Variants in CERS4 observed in about 807,000 individuals in gnomAD.
CERS4 encodes the protein LAG1 homolog, ceramide synthase 4.
A neutral mutation model predicts 51.8 loss-of-function variants in CERS4; 65 were observed. The ratio of observed to expected loss-of-function variants is 1.26; its 90% CI spans 1.03 to 1.54. The LOEUF (loss-of-function observed/expected upper bound fraction) is 1.54, where lower values mean the gene tolerates loss of function less well. Ranked by LOEUF, CERS4 falls within the 40% of genes most tolerant of loss-of-function variation. The pLI is 0.00. For synonymous variants in CERS4, 228 were observed against 208.4 expected, an observed-to-expected ratio of 1.09 and a Z score of -0.81; for missense variants, 563 against 500.4, an observed-to-expected ratio of 1.13 and a Z score of -1.19.
chr19:8,216,779 T>C (rs1967317943), intron 2 of CERS4, among the ~76,000 whole-genome samples: 1 of 152,128 alleles, frequency 6.6e-6, no homozygotes, highest in Non-Finnish European at 1.5e-5. Flanking sequence ...TCAGCCATCC[T>C]GGGTCCTTAT....
At chr19:8,233,315 A>C (rs1968097555) in intron 2 of CERS4, among the ~76,000 whole-genome samples, 1 of 151,454 alleles carries the variant, frequency 6.6e-6, no homozygotes, top group African/African-American at 2.4e-5. Context: ...ACAGGCACGT[A>C]CCACCACACC....
chr19:8,212,730 C>G (rs984046749), intron 2 of CERS4, among the ~76,000 whole-genome samples: 6 of 151,858 alleles, frequency 4.0e-5, no homozygotes, highest in African/African-American at 1.5e-4. Flanking sequence ...CCTCCACCTC[C>G]CGGGTTCAAG....
Position 8,255,608 on chromosome 19 carries a change from C to T in CERS4, c.293C>T (p.Pro98Leu). The T allele has an allele frequency of 6.2e-7, 1 of 1,610,696 alleles. No homozygotes were observed. Among genetic ancestry groups the T allele is most frequent in the East Asian group, 2.2e-5 (1 of 44,866 alleles). ...FLTEGHRPKE[P>L]QLSLLAAQCG... ...TTGTCCTCATCACCCCCTCCCCAGCCCCAGCTGTCTCTCCTGGCCGCCCAG... is the reference window on the plus strand; with the variant it reads ...TTGTCCTCATCACCCCCTCCCCAGCTCCAGCTGTCTCTCCTGGCCGCCCAG... The change falls in exon 5 of 12, where the codon CCC becomes CTC. Residue 98 changes from proline (P) to leucine (L), a missense_variant and splice_region_variant. Transcript: ENST00000251363.
chr19:8,246,948 T>C (rs917655930), intron 2 of CERS4, among the ~76,000 whole-genome samples: 7 of 152,020 alleles, frequency 4.6e-5, no homozygotes, highest in Non-Finnish European at 1.0e-4. Flanking sequence ...GGCAGATCAC[T>C]TGAGGTCAGG....
intron 2 of CERS4, among the ~76,000 whole-genome samples, chr19:8,245,492 T>G (rs1319978588): frequency 2.0e-5 from 3 of 151,278 alleles, no homozygotes; most frequent in Non-Finnish European, 4.4e-5. Context: ...CAAGCAATCC[T>G]CCTGCCTCAG....
At chr19:8,258,069 C>T (rs1367732710) in intron 10 of CERS4, 84 bp downstream of exon 10, 1 of 1,083,644 alleles carries the variant, frequency 9.2e-7, no homozygotes, top group Non-Finnish European at 1.4e-6. Context: ...GTACCCTGCC[C>T]CAAGGAGCTG....
At chr19:8,230,556 A>T (rs1422847958) in intron 2 of CERS4, among the ~76,000 whole-genome samples, 1 of 152,168 alleles carries the variant, frequency 6.6e-6, no homozygotes, top group Non-Finnish European at 1.5e-5. Flanking sequence ...AATTGAGGTA[A>T]AATATATGTA....
chr19:8,218,519 C>T (rs1407414534), intron 2 of CERS4, among the ~76,000 whole-genome samples: 3 of 152,132 alleles, frequency 2.0e-5, no homozygotes, highest in African/African-American at 7.2e-5. Flanking sequence ...AGGGTGGCTG[C>T]GGGAGGGCAG....
At chr19:8,237,002 CAAAAAAAAAAA>C (rs781273995) in intron 2 of CERS4, among the ~76,000 whole-genome samples, 39 of 44,982 alleles carry the variant, frequency 8.7e-4, no homozygotes, top group African/African-American at 2.6e-3. Flanking sequence ...GACTCTGTCT[CAAAAAAAAAAA>C]AAAAAAAAAA....
intron 2 of CERS4, among the ~76,000 whole-genome samples, chr19:8,216,097 T>G (rs1967288398): frequency 6.6e-6 from 1 of 151,980 alleles, no homozygotes; most frequent in Admixed American, 6.6e-5. Context: ...ATTGTAGCCC[T>G]GCCAGGCACC....
At chr19:8,215,491 A>AG (rs1245996720) in intron 2 of CERS4, among the ~76,000 whole-genome samples, 1 of 148,856 alleles carries the variant, frequency 6.7e-6, no homozygotes, top group African/African-American at 2.6e-5. Context: ...AAAAAAAAAA[A>AG]CAAAAAACAA....
At chr19:8,257,846 C>A in intron 9 of CERS4, 33 bp from the exon 10 acceptor site, 1 of 1,560,472 alleles carries the variant, frequency 6.4e-7, no homozygotes, top group South Asian at 1.1e-5. Flanking sequence ...GGGCCCTGGT[C>A]CTGAGCCCAT....
intron 2 of CERS4, among the ~76,000 whole-genome samples, chr19:8,237,887 T>C (rs1968342104): frequency 6.6e-6 from 1 of 152,170 alleles, no homozygotes; most frequent in Non-Finnish European, 1.5e-5. Context: ...TCTCACACTT[T>C]AAACACGTAC....
chr19:8,235,193 G>T (rs1450032628), intron 2 of CERS4, among the ~76,000 whole-genome samples: 1 of 151,290 alleles, frequency 6.6e-6, no homozygotes, highest in Non-Finnish European at 1.5e-5. Context: ...ATTTTTAGTA[G>T]AAACGGGGTT....
rs370795271 is a variant in CERS4, at chr19:8,262,027, G to A, written c.1103G>A (p.Gly368Glu). The A allele has an allele frequency of 8.4e-5, 133 of 1,577,238 alleles. 2 individuals carry two copies. In the South Asian group the frequency reaches 1.0e-3, roughly 12 times the overall value. ...EPLQLKNGAA[G>E]GPRPAPTDGP... is the part of the protein sequence containing the mutation. ...CTGCAGCTAAAGAACGGGGCAGCTG[G>A]AGGGCCCAGGCCAGCCCCCACTGAT... Residue 368 changes from glycine to glutamate, a missense_variant, in exon 12 of 12, where the codon GGA becomes GAA. Physicochemically the swap from Gly to Glu is moderately conservative, Grantham distance 98 (BLOSUM62 -2). Transcript: ENST00000251363.
intron 2 of CERS4, among the ~76,000 whole-genome samples, chr19:8,237,221 T>A (rs1464670295): frequency 1.3e-5 from 2 of 151,796 alleles, no homozygotes; most frequent in Non-Finnish European, 2.9e-5. Context: ...TTATCTTGAT[T>A]GAGGGGGTGA....
chr19:8,261,442 C>T, intron 10 of CERS4: 1 of 537,580 alleles, frequency 1.9e-6, no homozygotes, highest in Non-Finnish European at 3.3e-6. Context: ...TAAGTACCCG[C>T]TTGGGTGGGG....
intron 2 of CERS4, among the ~76,000 whole-genome samples, chr19:8,218,922 T>G (rs933688151): frequency 3.9e-5 from 6 of 152,044 alleles, no homozygotes; most frequent in Middle Eastern, 3.4e-3. Flanking sequence ...GATGGTGACT[T>G]GAGGCCGGGA....
rs1344076184 is a variant in CERS4, at chr19:8,262,285, T to G, written c.*176T>G. ...CTTCCTTCTGCCCACCCACCCTTCTTCCCTCTGGGCAACTGGACAGATCTG... is the reference window on the plus strand; with the variant it reads ...CTTCCTTCTGCCCACCCACCCTTCTGCCCTCTGGGCAACTGGACAGATCTG... On this transcript the variant is annotated 3_prime_UTR_variant, in exon 12 of 12. Coordinates refer to ENST00000251363, the MANE Select transcript of CERS4 (RefSeq NM_024552.3). 3 of 580,880 alleles carry G rather than the reference T, an allele frequency of 5.2e-6. No homozygotes were observed. The highest frequency in any genetic ancestry group is 7.7e-5 in the Admixed American group (2 of 26,094). 36.0% of individuals were successfully genotyped at this position (580,880 alleles called of 1,614,324 possible). A position where few individuals can be genotyped will look rare whatever the true frequency, so the allele number is the denominator to read the frequency against.
Sources: gnomAD v4.1 joint callset for allele counts (sites outside exome capture counted in the v4.1 genomes callset) on GRCh38, gnomAD v4.1.1 for gene constraint, MANE v1.5 for transcripts, NCBI Gene and HGNC (gene_info 2026-07-23, HGNC 2026-07-21) for gene names.